Variants in DPP6 observed in about 807,000 individuals in gnomAD.
DPP6 encodes the protein dipeptidyl peptidase like 6, also known as A-type potassium channel modulatory protein DPP6.
DPP6 carries 69 observed loss-of-function variants against 122.6 expected under a neutral mutation model. That is an observed-to-expected ratio of 0.56 (90% CI 0.46 to 0.69). The LOEUF (loss-of-function observed/expected upper bound fraction) is 0.69. DPP6 is among the 30% of genes least tolerant of loss of function. The probability of loss-of-function intolerance (pLI) is 0.00; values close to 1 mark genes in which losing one functional copy is unlikely to be tolerated. For missense variants in DPP6, 928 were observed against 1,116.9 expected, an observed-to-expected ratio of 0.83 and a Z score of 2.41; for synonymous variants, 418 against 433.1, an observed-to-expected ratio of 0.97 and a Z score of 0.43.
the DPP6 span, among the ~76,000 whole-genome samples, chr7:153,875,160 C>G: frequency 1.3e-5 from 2 of 152,066 alleles, no homozygotes; most frequent in East Asian, 3.8e-4. Flanking sequence ...AATAGAAATA[C>G]TAATAATGAC....
chr7:154,456,361 CA>C (rs1207546115), intron 2 of DPP6, among the ~76,000 whole-genome samples: 1 of 152,150 alleles, frequency 6.6e-6, no homozygotes, highest in African/African-American at 2.4e-5. Context: ...TTAAAATCAC[CA>C]GAAGTTCAGT....
chr7:154,387,811 C>T (rs1470607245), intron 1 of DPP6, among the ~76,000 whole-genome samples: 6 of 152,292 alleles, frequency 3.9e-5, no homozygotes, highest in East Asian at 1.9e-4. Flanking sequence ...GGTGACTAAC[C>T]ACAGTTGGTA....
intron 3 of DPP6, among the ~76,000 whole-genome samples, chr7:154,524,858 G>T (rs998275900): frequency 6.6e-6 from 1 of 152,182 alleles, no homozygotes; most frequent in South Asian, 2.1e-4. Flanking sequence ...TCAGTCACTT[G>T]TCTCCCCCAC....
At chr7:154,710,036 C>T (rs529847135) in intron 7 of DPP6, among the ~76,000 whole-genome samples, 60 of 152,350 alleles carry the variant, frequency 3.9e-4, no homozygotes, top group African/African-American at 1.4e-3. Context: ...AGCAGGGTGA[C>T]GTCACACATG....
At chr7:154,298,993 A>G (rs1347566906) in intron 1 of DPP6, among the ~76,000 whole-genome samples, 1 of 152,238 alleles carries the variant, frequency 6.6e-6, no homozygotes, top group Non-Finnish European at 1.5e-5. Flanking sequence ...CTGAACAAGA[A>G]ATAATTCCCC....
chr7:153,940,302 T>C (rs1801638588), intron 1 of DPP6, among the ~76,000 whole-genome samples: 2 of 152,160 alleles, frequency 1.3e-5, no homozygotes, highest in African/African-American at 4.8e-5. Context: ...AGTTCCCATA[T>C]ATGAACCCTC....
intron 1 of DPP6, among the ~76,000 whole-genome samples, chr7:154,214,839 G>A (rs1799915832): frequency 6.6e-6 from 1 of 152,148 alleles, no homozygotes; most frequent in Non-Finnish European, 1.5e-5. Flanking sequence ...GATGGCTTGA[G>A]TCCAGAAAGT....
At chr7:153,989,989 C>T (rs1797077899) in intron 1 of DPP6, among the ~76,000 whole-genome samples, 3 of 139,236 alleles carry the variant, frequency 2.2e-5, no homozygotes, top group South Asian at 5.3e-4. Context: ...GCTCACCCCC[C>T]TGCCAGCCTT....
intron 1 of DPP6, among the ~76,000 whole-genome samples, chr7:154,319,758 T>C (rs1807762927): frequency 6.6e-6 from 1 of 151,664 alleles, no homozygotes; most frequent in African/African-American, 2.4e-5. Flanking sequence ...TTTGGGATGC[T>C]GAGGTGGGCA....
At chr7:154,848,970 T>C (rs777030447) in intron 16 of DPP6, among the ~76,000 whole-genome samples, 1 of 152,208 alleles carries the variant, frequency 6.6e-6, no homozygotes. Context: ...AAATTAACTG[T>C]AGATGAATTG....
At chr7:154,236,016 C>A (rs1182704284) in intron 1 of DPP6, among the ~76,000 whole-genome samples, 1 of 152,062 alleles carries the variant, frequency 6.6e-6, no homozygotes, top group African/African-American at 2.4e-5. Context: ...CTACTCCCGG[C>A]TAATTTTTGT....
intron 1 of DPP6, among the ~76,000 whole-genome samples, chr7:154,228,495 C>T (rs758124245): frequency 2.0e-4 from 31 of 151,976 alleles, no homozygotes; most frequent in Non-Finnish European, 3.7e-4. Context: ...TCAAAGATAC[C>T]GCTTGGGTTC....
intron 1 of DPP6, among the ~76,000 whole-genome samples, chr7:154,420,129 G>T (rs965670357): frequency 1.6e-4 from 25 of 152,336 alleles, no homozygotes; most frequent in Admixed American, 1.3e-3. Context: ...CTGAGGTCAG[G>T]AGTTTGAGAC....
chr7:154,651,165 CTAGCACTGCACTAGGTAA>C (rs925633263), intron 6 of DPP6, among the ~76,000 whole-genome samples: 5 of 152,044 alleles, frequency 3.3e-5, no homozygotes, highest in Non-Finnish European at 5.9e-5. Flanking sequence ...GCACTAGGTA[CTAGCACTGCACTAGGTAA>C]TAGCACTGCA....
intron 1 of DPP6, among the ~76,000 whole-genome samples, chr7:154,400,207 G>A (rs1815448426): frequency 6.6e-6 from 1 of 152,208 alleles, no homozygotes; most frequent in Admixed American, 6.5e-5. Context: ...CTCCTTGCGG[G>A]AGACGCCTCC....
intron 1 of DPP6, among the ~76,000 whole-genome samples, chr7:154,093,277 A>G (rs372144291): frequency 6.8e-6 from 1 of 146,072 alleles, no homozygotes; most frequent in East Asian, 2.1e-4. Context: ...TACATACATC[A>G]TACACACCAT....
At chr7:154,037,169 G>A (rs1292472378) in intron 1 of DPP6, among the ~76,000 whole-genome samples, 2 of 152,170 alleles carry the variant, frequency 1.3e-5, no homozygotes, top group African/African-American at 4.8e-5. Flanking sequence ...GAGCAGCTTT[G>A]AGCTTGGTAG....
In DPP6 at chr7:154,421,576, G is replaced by A. The variant is rs10257371; in HGVS notation, c.244-24638G>A. Among the ~76,000 whole-genome samples the A allele has an allele frequency of 4.4e-3, 666 of 152,170 alleles. 5 individuals are homozygous for A. The highest frequency in any genetic ancestry group is 0.015 in the African/African-American group (628 of 41,516). On this transcript the variant is annotated intron_variant, in intron 1 of 25. Coordinates refer to ENST00000377770, the MANE Select transcript of DPP6 (RefSeq NM_130797.4). The stretch of plus-strand genomic sequence containing the variant: ...TGACCTCAGGTGATCTGCCCACCTC[G>A]GCCTCCCAAAACGCTGGGATTACGG...
intron 1 of DPP6, among the ~76,000 whole-genome samples, chr7:154,211,560 T>C (rs1799742549): frequency 1.3e-5 from 2 of 152,104 alleles, no homozygotes; most frequent in Non-Finnish European, 2.9e-5. Context: ...TTTGTAAGGG[T>C]GTTTGCTGAC....
Sources: gnomAD v4.1 joint callset for allele counts (sites outside exome capture counted in the v4.1 genomes callset) on GRCh38, gnomAD v4.1.1 for gene constraint, MANE v1.5 for transcripts, NCBI Gene and HGNC (gene_info 2026-07-23, HGNC 2026-07-21) for gene names.